Variants in ADAMTS19 observed in about 807,000 individuals in gnomAD.
ADAMTS19 encodes the protein ADAM metallopeptidase with thrombospondin type 1 motif 19.
In ADAMTS19, 93 loss-of-function variants were observed where a neutral mutation model predicts 153.3. The ratio of observed to expected loss-of-function variants is 0.61; its 90% confidence interval spans 0.51 to 0.72. The LOEUF (loss-of-function observed/expected upper bound fraction) is 0.72, where lower values mean the gene tolerates loss of function less well. Ranked by LOEUF, ADAMTS19 falls within the 30% of genes least tolerant of loss-of-function variation. The pLI is 0.00. For synonymous variants in ADAMTS19, 600 were observed against 556.6 expected (o/e 1.08, Z -1.10); for missense variants, 1,482 against 1,552.1 (o/e 0.95, Z 0.76).
intron 18 of ADAMTS19, among the ~76,000 whole-genome samples, chr5:129,691,353 G>A (rs184507464): frequency 9.2e-5 from 14 of 152,244 alleles, no homozygotes; most frequent in Non-Finnish European, 1.5e-4. Context: ...CATAAAGCAA[G>A]TAATACTCTG....
rs574160729 is a variant in ADAMTS19, at chr5:129,556,858, A to C, written c.1372+4951A>C. Among the ~76,000 whole-genome samples the C allele has an allele frequency of 1.4e-3, 215 of 152,328 alleles. 2 individuals are homozygous for C. The highest frequency in any genetic ancestry group is 5.0e-3 in the African/African-American group (209 of 41,584). ...CCCTAGAGCCGACATAAGTGAACAC[A>C]AACAGCCTTTTCAACACTTGATTTT... On this transcript the variant is annotated intron_variant, in intron 7 of 22. Coordinates refer to ENST00000274487, the MANE Select transcript of ADAMTS19 (RefSeq NM_133638.6).
At chr5:129,662,946 G>A (rs1753880495) in intron 15 of ADAMTS19, among the ~76,000 whole-genome samples, 1 of 141,446 alleles carries the variant, frequency 7.1e-6, no homozygotes, top group African/African-American at 2.7e-5. Flanking sequence ...CCAGGCTGGA[G>A]TACAGTGGCA....
chr5:129,477,992 T>TA (rs1015466669), intron 2 of ADAMTS19, among the ~76,000 whole-genome samples: 4 of 152,098 alleles, frequency 2.6e-5, no homozygotes, highest in African/African-American at 7.2e-5. Flanking sequence ...CTTAGAGAGT[T>TA]AAAAAAATTC....
At chr5:129,612,970 T>A (rs996170210) in intron 8 of ADAMTS19, among the ~76,000 whole-genome samples, 1 of 152,004 alleles carries the variant, frequency 6.6e-6, no homozygotes, top group Non-Finnish European at 1.5e-5. Flanking sequence ...AGGGATCAAT[T>A]GAAAAAGAAG....
In ADAMTS19 at chr5:129,666,626, G is replaced by T. The variant is rs544985861; in HGVS notation, c.2506+1047G>T. 7.9e-5 allele frequency among the ~76,000 whole-genome samples: 12 copies of T among 152,166 alleles called. 1 individual carries two copies. In the East Asian group the frequency reaches 2.1e-3, roughly 27 times the overall value. On this transcript the variant is annotated intron_variant, in intron 16 of 22. Coordinates refer to ENST00000274487, the MANE Select transcript of ADAMTS19 (RefSeq NM_133638.6). ...ATTTGAGGAAAGGGGACTGTAAAAG[G>T]AATTCTTTATCATGTGACACACTCA...
chr5:129,627,317 A>G (rs961870810), intron 10 of ADAMTS19, among the ~76,000 whole-genome samples: 4 of 152,046 alleles, frequency 2.6e-5, no homozygotes, highest in Admixed American at 2.6e-4. Flanking sequence ...CTTGGAGGTA[A>G]TATGAGGAGG....
intron 2 of ADAMTS19, among the ~76,000 whole-genome samples, chr5:129,463,456 T>C (rs766108333): frequency 6.6e-6 from 1 of 152,214 alleles, no homozygotes; most frequent in East Asian, 1.9e-4. Context: ...TACATCCCTG[T>C]TTATCATGTT....
chr5:129,650,335 C>G lies in ADAMTS19; in HGVS notation c.2176+1365C>G, dbSNP rs1460920653. The stretch of plus-strand genomic sequence containing the variant: ...AATTTGAACTTTGCTTTCCATCATT[C>G]CAGTTACACTCTTCTCAATAACCTA... On this transcript the variant is annotated intron_variant, in intron 13 of 22. Transcript: ENST00000274487. Among the ~76,000 whole-genome samples the G allele has an allele frequency of 2.0e-5, 3 of 152,248 alleles. No homozygotes were observed. In the East Asian group the frequency reaches 5.8e-4, roughly 29 times the overall value.
At chr5:129,594,091 T>A (rs188294404) in intron 7 of ADAMTS19, among the ~76,000 whole-genome samples, 62 of 152,256 alleles carry the variant, frequency 4.1e-4, no homozygotes, top group Non-Finnish European at 7.5e-4. Flanking sequence ...AACATTCCTG[T>A]TAAACTCAGA....
Position 129,482,864 on chromosome 5 carries a change from A to G in ADAMTS19, c.747+21107A>G, listed in dbSNP as rs1345579065. On this transcript the variant is annotated intron_variant, in intron 2 of 22. Transcript: ENST00000274487. ...GTTATCTTTGTGTTGAGAGTTTCTAAATGAATACTTATACAAAATTATCCT... is the reference window on the plus strand; with the variant it reads ...GTTATCTTTGTGTTGAGAGTTTCTAGATGAATACTTATACAAAATTATCCT... Among the ~76,000 whole-genome samples, 5 of 152,190 alleles carry G rather than the reference A, an allele frequency of 3.3e-5. No homozygotes were observed. The East Asian group carries it at 9.6e-4, about 29-fold the overall frequency.
chr5:129,480,324 C>T (rs867556410), intron 2 of ADAMTS19, among the ~76,000 whole-genome samples: 4 of 152,272 alleles, frequency 2.6e-5, no homozygotes, highest in African/African-American at 9.6e-5. Flanking sequence ...AGAAAACCTT[C>T]ACTACTTTGA....
chr5:129,577,992 CT>C, intron 7 of ADAMTS19, among the ~76,000 whole-genome samples: 1 of 145,236 alleles, frequency 6.9e-6, no homozygotes, highest in Non-Finnish European at 1.5e-5. Flanking sequence ...TAATCGTCTT[CT>C]TTTTTTCTTT....
At chr5:129,562,902 G>T (rs1448682146) in intron 7 of ADAMTS19, among the ~76,000 whole-genome samples, 1 of 151,946 alleles carries the variant, frequency 6.6e-6, no homozygotes, top group Non-Finnish European at 1.5e-5. Flanking sequence ...TCTTTGAGCA[G>T]GTTGGAATGA....
chr5:129,593,599 C>T (rs2126913685), intron 7 of ADAMTS19, among the ~76,000 whole-genome samples: 1 of 152,244 alleles, frequency 6.6e-6, no homozygotes, highest in South Asian at 2.1e-4. Context: ...CTCTTTTACT[C>T]ATTCCCCATA....
At chr5:129,518,222 G>A (rs1163141968) in intron 3 of ADAMTS19, among the ~76,000 whole-genome samples, 2 of 152,096 alleles carry the variant, frequency 1.3e-5, no homozygotes, top group Non-Finnish European at 2.9e-5. Context: ...TAGGACAAAA[G>A]TAGTTTGCAC....
At chr5:129,670,189 A>G (rs1175454241) in intron 16 of ADAMTS19, among the ~76,000 whole-genome samples, 1 of 152,062 alleles carries the variant, frequency 6.6e-6, no homozygotes, top group Admixed American at 6.6e-5. Context: ...TATTTTCTGT[A>G]TTGCATATCC....
intron 8 of ADAMTS19, among the ~76,000 whole-genome samples, chr5:129,604,937 G>T (rs1305979784): frequency 6.6e-6 from 1 of 152,100 alleles, no homozygotes; most frequent in Non-Finnish European, 1.5e-5. Flanking sequence ...CTTCTAGTGG[G>T]ACAACCAAAA....
chr5:129,608,364 G>A (rs1751031802), intron 8 of ADAMTS19, among the ~76,000 whole-genome samples: 1 of 151,530 alleles, frequency 6.6e-6, no homozygotes, highest in Non-Finnish European at 1.5e-5. Context: ...GGGAGATACT[G>A]GTCAAAGGGT....
chr5:129,670,311 C>G (rs1201285567), intron 16 of ADAMTS19, among the ~76,000 whole-genome samples: 1 of 152,186 alleles, frequency 6.6e-6, no homozygotes, highest in Non-Finnish European at 1.5e-5. Context: ...CAAAGTCTGG[C>G]ACACAGGAAA....
Sources: allele counts gnomAD v4.1 joint callset (sites outside exome capture counted in the v4.1 genomes callset), GRCh38; gene constraint gnomAD v4.1.1; transcripts MANE v1.5; gene names NCBI Gene and HGNC (gene_info 2026-07-23, HGNC 2026-07-21).